The following ARPC3 variants were observed in gnomAD, a reference collection of about 807,000 sequenced individuals.
ARPC3 encodes actin related protein 2/3 complex subunit 3.
In ARPC3, 12 loss-of-function variants were observed where a neutral mutation model predicts 27.6. The observed-to-expected ratio is 0.43, with a 90% CI of 0.28 to 0.70. The LOEUF (loss-of-function observed/expected upper bound fraction) is 0.70, where lower values mean the gene tolerates loss of function less well. Among genes scored for constraint, ARPC3 ranks in the 30% least tolerant of loss-of-function variants. The pLI is 0.17. For missense variants in ARPC3, 153 were observed against 207.7 expected (o/e 0.74, Z 1.62); for synonymous variants, 53 against 67.2 (o/e 0.79, Z 1.03).
intron 4 of ARPC3, 144 bp downstream of exon 4, chr12:110,436,940 A>G: frequency 1.4e-6 from 1 of 734,024 alleles, no homozygotes; most frequent in South Asian, 1.6e-5. Context: ...ACTAAATTCA[A>G]ATTTTTCTCT....
intron 2 of ARPC3, 109 bp from the exon 3 acceptor site, chr12:110,440,497 G>T: frequency 2.7e-6 from 2 of 742,568 alleles, no homozygotes; most frequent in Non-Finnish European, 4.8e-6. Flanking sequence ...CAGTTGTGGA[G>T]TTGAATAAAA....
intron 3 of ARPC3, among the ~76,000 whole-genome samples, chr12:110,439,291 A>AT (rs1210466080): frequency 6.6e-6 from 1 of 151,558 alleles, no homozygotes; most frequent in Non-Finnish European, 1.5e-5. Flanking sequence ...TAATTTTTCT[A>AT]TTTTTTGTAG....
rs146458146 is a variant in ARPC3, at chr12:110,435,195, C to T, written c.497G>A (p.Arg166Lys). The T allele has an allele frequency of 2.5e-4, 405 of 1,614,132 alleles. No individual in the cohort carries two copies. Among genetic ancestry groups the T allele is most frequent in the Non-Finnish European group, 3.3e-4 (391 of 1,180,000 alleles). ...TGAAAGACTCTTGTTCATGAACTGT[C>T]TCTTCACAAAGCAAGTCCACCACTA... ...PSKWWTCFVK[R>K]QFMNKSLSGP... The change falls in exon 7 of 7, where the codon AGA (arginine) becomes AAA (lysine). Residue 166 changes from arginine (R) to lysine (K), a missense_variant. Coordinates refer to ENST00000228825, the MANE Select transcript of ARPC3 (RefSeq NM_001278556.2).
intron 1 of ARPC3, 93 bp downstream of exon 1, chr12:110,450,162 C>T: frequency 1.3e-6 from 2 of 1,557,936 alleles, no homozygotes; most frequent in South Asian, 1.1e-5. Flanking sequence ...TTCCTCTCTG[C>T]CTTCCGCCGC....
rs754615646 is a variant in ARPC3, at chr12:110,440,394, C to G, written c.107-6G>C. On this transcript the variant is annotated splice_region_variant and splice_polypyrimidine_tract_variant and intron_variant, in intron 2 of 6. Coordinates refer to ENST00000228825, the MANE Select transcript of ARPC3 (RefSeq NM_001278556.2). ...CACAATATCTGTATCTTTTGCTAAGCAGGACACAAGGGAAGGAGCACAGAG... is the reference window on the plus strand; with the variant it reads ...CACAATATCTGTATCTTTTGCTAAGGAGGACACAAGGGAAGGAGCACAGAG... The G allele has an allele frequency of 1.9e-6, 3 of 1,601,112 alleles. No homozygotes were observed. In the African/African-American group the frequency reaches 4.0e-5, roughly 21 times the overall value.
intron 1 of ARPC3, among the ~76,000 whole-genome samples, chr12:110,449,932 AT>A (rs1176581050): frequency 6.6e-6 from 1 of 152,196 alleles, no homozygotes. Flanking sequence ...AATATGAAAA[AT>A]AAAAAGCGCA....
rs757296400 is a variant in ARPC3, at chr12:110,445,558, T to G, written c.7-7A>C. The G allele has an allele frequency of 6.3e-7, 1 of 1,587,934 alleles. No individual in the cohort carries two copies. Among genetic ancestry groups the G allele is most frequent in the South Asian group, 1.1e-5 (1 of 90,554 alleles). On this transcript the variant is annotated splice_region_variant and splice_polypyrimidine_tract_variant and intron_variant, in intron 1 of 6. Transcript: ENST00000228825. ...TGAGAGAAGAGTGGTAAGCCTGTAATGGCAAGCCCAGGAAGAACACAGAAG... is the reference window on the plus strand; with the variant it reads ...TGAGAGAAGAGTGGTAAGCCTGTAAGGGCAAGCCCAGGAAGAACACAGAAG...
intron 6 of ARPC3, 104 bp from the exon 7 acceptor site, chr12:110,435,321 A>ACT: frequency 1.1e-6 from 1 of 900,158 alleles, no homozygotes. Flanking sequence ...TCTCTTATAA[A>ACT]CTTTTTTTTT....
chr12:110,440,549 T>A lies in ARPC3; in HGVS notation c.107-161A>T. 3 of 642,904 alleles carry A rather than the reference T, an allele frequency of 4.7e-6. 1 individual carries two copies. The South Asian group carries it at 5.3e-5, about 11-fold the overall frequency. 39.8% of individuals were successfully genotyped at this position (642,904 alleles called of 1,614,324 possible). A position where few individuals can be genotyped will look rare whatever the true frequency, so the allele number is the denominator to read the frequency against. On this transcript the variant is annotated intron_variant, in intron 2 of 6. Coordinates refer to ENST00000228825, the MANE Select transcript of ARPC3 (RefSeq NM_001278556.2). The stretch of plus-strand genomic sequence containing the variant: ...AAATACAAAGTTTTTAGAAAATATT[T>A]ATTTGTTTTTTTTTTGAGACAGAGT...
intron 2 of ARPC3, among the ~76,000 whole-genome samples, chr12:110,443,709 A>C (rs2062450131): frequency 6.6e-6 from 1 of 152,220 alleles, no homozygotes; most frequent in Non-Finnish European, 1.5e-5. Context: ...CTGGGATTAC[A>C]GGCGTGAGCC....
chr12:110,448,579 G>A (rs750498682), intron 1 of ARPC3, among the ~76,000 whole-genome samples: 1 of 151,396 alleles, frequency 6.6e-6, no homozygotes, highest in Non-Finnish European at 1.5e-5. Flanking sequence ...TCAGGAGGCT[G>A]AGGTGGGAGG....
In ARPC3 at chr12:110,445,466, G is replaced by C; in HGVS notation, c.92C>G (p.Pro31Arg). The C allele has an allele frequency of 1.2e-6, 2 of 1,610,042 alleles. No homozygotes were observed. The highest frequency in any genetic ancestry group is 1.7e-6 in the Non-Finnish European group (2 of 1,176,286). Residue 31 changes from proline (P) to arginine (R), a missense_variant, in exon 2 of 7, where the codon CCT becomes CGT. Physicochemically the swap from Pro to Arg is moderately radical, Grantham distance 103. Transcript: ENST00000228825. ...LLPIRSQFKG[P>R]APRETKDTDI... ...TTTAGACTTACTCTCTCTGGGGGCAGGTCCTTTGAATTGACTTCTGATAGG... is the reference window on the plus strand; with the variant it reads ...TTTAGACTTACTCTCTCTGGGGGCACGTCCTTTGAATTGACTTCTGATAGG...
At chr12:110,441,866 A>T (rs891055743) in intron 2 of ARPC3, among the ~76,000 whole-genome samples, 1 of 151,664 alleles carries the variant, frequency 6.6e-6, no homozygotes. Context: ...CTGCGCCTCT[A>T]CTAAAAATAC....
intron 1 of ARPC3, among the ~76,000 whole-genome samples, chr12:110,449,096 ATT>A (rs906595106): frequency 1.3e-4 from 19 of 151,964 alleles, no homozygotes; most frequent in Admixed American, 9.8e-4. Context: ...TCTTTATAGC[ATT>A]TGTCACTACC....
intron 1 of ARPC3, among the ~76,000 whole-genome samples, chr12:110,447,179 T>G (rs2062469120): frequency 6.6e-6 from 1 of 152,250 alleles, no homozygotes; most frequent in African/African-American, 2.4e-5. Flanking sequence ...ATCATTCTTC[T>G]TCTCTTAGCT....
intron 1 of ARPC3, 135 bp downstream of exon 1, chr12:110,450,120 T>TC: frequency 7.6e-7 from 1 of 1,308,366 alleles, no homozygotes; most frequent in African/African-American, 1.5e-5. Context: ...ACCGGTCCCC[T>TC]CCCCTCGCCT....
intron 1 of ARPC3, among the ~76,000 whole-genome samples, chr12:110,446,034 C>T (rs2062462402): frequency 1.3e-5 from 2 of 149,738 alleles, no homozygotes; most frequent in South Asian, 2.1e-4. Flanking sequence ...ACCCAGGAGG[C>T]GAAGGCTGCA....
rs185503702 is a variant in ARPC3, at chr12:110,438,997, T to G, written c.183+1315A>C. On this transcript the variant is annotated intron_variant, in intron 3 of 6. Coordinates refer to ENST00000228825, the MANE Select transcript of ARPC3 (RefSeq NM_001278556.2). Reference sequence around the variant, plus strand: ...AAATGAAATGTGGCAGAGTTTTTTGTTTTTTTTTTGAGACAGTCTTGCTCT... The same window carrying G: ...AAATGAAATGTGGCAGAGTTTTTTGGTTTTTTTTTGAGACAGTCTTGCTCT... Among the ~76,000 whole-genome samples the G allele has an allele frequency of 4.1e-5, 6 of 145,822 alleles. No homozygotes were observed. In the East Asian group the frequency reaches 7.9e-4, roughly 19 times the overall value.
At chr12:110,444,134 T>C (rs1019825200) in intron 2 of ARPC3, among the ~76,000 whole-genome samples, 3 of 152,062 alleles carry the variant, frequency 2.0e-5, no homozygotes, top group African/African-American at 7.2e-5. Flanking sequence ...CATGCCCGGC[T>C]GATTGTTTGT....
Sources: gnomAD v4.1 joint callset for allele counts (sites outside exome capture counted in the v4.1 genomes callset) on GRCh38, gnomAD v4.1.1 for gene constraint, MANE v1.5 for transcripts, NCBI Gene and HGNC (gene_info 2026-07-23, HGNC 2026-07-21) for gene names.